The following EYS variants were observed in gnomAD, a reference collection of about 807,000 sequenced individuals.
EYS encodes the protein EGF-like photoreceptor maintenance factor.
EYS carries 250 observed loss-of-function variants against 282.1 expected under a neutral mutation model. The observed-to-expected ratio is 0.89, with a 90% CI of 0.80 to 0.98. The LOEUF is 0.98. EYS is among the 50% of genes least tolerant of loss of function. EYS has a pLI of 0.00. For missense variants in EYS, 4,016 were observed against 3,709.0 expected (o/e 1.08, Z -2.15); for synonymous variants, 1,355 against 1,282.9 (o/e 1.06, Z -1.20).
chr6:64,813,100 C>A (rs1223086595), intron 22 of EYS, among the ~76,000 whole-genome samples: 1 of 150,480 alleles, frequency 6.6e-6, no homozygotes, highest in Non-Finnish European at 1.5e-5. Flanking sequence ...AGAATAAAAA[C>A]CCACTTTGAG....
In EYS at chr6:64,889,719, T is replaced by C. The variant is rs150473307; in HGVS notation, c.2847-2877A>G. ...CCCTTGTGATTTCCTATGCCCGTCT[T>C]TACTTTAATCTTTTAATCCTGTCAG... On this transcript the variant is annotated intron_variant, in intron 18 of 42. Coordinates refer to ENST00000503581, the MANE Select transcript of EYS (RefSeq NM_001142800.2). Among the ~76,000 whole-genome samples, 16 of 152,174 alleles carry C rather than the reference T, an allele frequency of 1.1e-4. No individual in the cohort carries two copies. In the East Asian group the frequency reaches 3.1e-3, roughly 29 times the overall value.
chr6:64,371,943 C>T (rs1218834586), intron 29 of EYS, among the ~76,000 whole-genome samples: 1 of 152,024 alleles, frequency 6.6e-6, no homozygotes, highest in Admixed American at 6.6e-5. Context: ...GACAGAATAA[C>T]ATTGGGTTTT....
chr6:64,552,083 A>G (rs1765102628), intron 26 of EYS, among the ~76,000 whole-genome samples: 1 of 152,306 alleles, frequency 6.6e-6, no homozygotes, highest in African/African-American at 2.4e-5. Flanking sequence ...AGCCAAGTGC[A>G]TTCTAAAGTA....
intron 26 of EYS, among the ~76,000 whole-genome samples, chr6:64,496,696 T>G (rs1233277067): frequency 6.6e-6 from 1 of 152,002 alleles, no homozygotes; most frequent in Non-Finnish European, 1.5e-5. Context: ...TGTTACTGTT[T>G]TGAGATAAAT....
At chr6:64,298,767 C>A (rs1769128543) in intron 30 of EYS, among the ~76,000 whole-genome samples, 1 of 151,932 alleles carries the variant, frequency 6.6e-6, no homozygotes, top group Non-Finnish European at 1.5e-5. Context: ...CAACTATATC[C>A]TCTCTAACAA....
rs543800541 is a variant in EYS, at chr6:65,540,224, T to G, written c.-332-44231A>C. ...ATCATTCCAATGATACCAAGCACAT[T>G]GTATTCTAAGAAAATGGAACAAACT... On this transcript the variant is annotated intron_variant, in intron 2 of 42. Coordinates refer to ENST00000503581, the MANE Select transcript of EYS (RefSeq NM_001142800.2). Among the ~76,000 whole-genome samples the G allele has an allele frequency of 1.3e-4, 20 of 152,262 alleles. No individual in the cohort carries two copies. The South Asian group carries it at 4.1e-3, about 32-fold the overall frequency.
At chr6:65,374,303 C>T (rs1765271604) in intron 8 of EYS, among the ~76,000 whole-genome samples, 1 of 152,086 alleles carries the variant, frequency 6.6e-6, no homozygotes, top group African/African-American at 2.4e-5. Context: ...GGGTCAGGGA[C>T]CTCCCTACCC....
At chr6:64,664,292 G>A (rs1416950591) in intron 22 of EYS, among the ~76,000 whole-genome samples, 1 of 152,190 alleles carries the variant, frequency 6.6e-6, no homozygotes, top group Non-Finnish European at 1.5e-5. Flanking sequence ...TAGATGATGT[G>A]ACTATTTCTT....
chr6:64,584,967 C>T (rs931874842), intron 26 of EYS, among the ~76,000 whole-genome samples: 2 of 151,944 alleles, frequency 1.3e-5, no homozygotes, highest in Non-Finnish European at 2.9e-5. Context: ...CCAGCAATAT[C>T]GTTACTGGAT....
intron 12 of EYS, among the ~76,000 whole-genome samples, chr6:65,246,963 G>A (rs746509702): frequency 3.3e-5 from 5 of 152,046 alleles, no homozygotes; most frequent in African/African-American, 4.8e-5. Flanking sequence ...GAATAAAAAA[G>A]ATCTCTATTT....
At chr6:63,737,537 G>T (rs1023504900) in intron 41 of EYS, among the ~76,000 whole-genome samples, 4 of 152,176 alleles carry the variant, frequency 2.6e-5, no homozygotes, top group African/African-American at 7.2e-5. Flanking sequence ...AAGGATATTG[G>T]TCTAAAATTC....
intron 26 of EYS, among the ~76,000 whole-genome samples, chr6:64,557,643 A>T (rs1357765629): frequency 6.6e-6 from 1 of 152,062 alleles, no homozygotes; most frequent in Non-Finnish European, 1.5e-5. Flanking sequence ...ATATGGACAA[A>T]TATAAAAATG....
intron 28 of EYS, among the ~76,000 whole-genome samples, chr6:64,397,010 C>G (rs1449882701): frequency 6.6e-6 from 1 of 152,020 alleles, no homozygotes; most frequent in Non-Finnish European, 1.5e-5. Context: ...CTGCCTGATA[C>G]TGATACTGCC....
At position 65,399,816 on chromosome 6, in the gene EYS, C is replaced by G. The variant is rs187633527; in HGVS notation, c.1184+2662G>C. Among the ~76,000 whole-genome samples the G allele has an allele frequency of 4.1e-3, 623 of 152,072 alleles. 5 individuals are homozygous for G. Among genetic ancestry groups the G allele is most frequent in the African/African-American group, 0.014 (590 of 41,524 alleles). Reference sequence around the variant, plus strand: ...CTATAGGTAGTTCTTTCTTCATAAACAATTTGATCATTGTTCTGGCTCTCC... The same window carrying G: ...CTATAGGTAGTTCTTTCTTCATAAAGAATTTGATCATTGTTCTGGCTCTCC... On this transcript the variant is annotated intron_variant, in intron 7 of 42. Transcript: ENST00000503581.
At chr6:65,452,704 C>T (rs1467430341) in intron 5 of EYS, among the ~76,000 whole-genome samples, 2 of 152,000 alleles carry the variant, frequency 1.3e-5, no homozygotes, top group Non-Finnish European at 2.9e-5. Flanking sequence ...GTGCATTATT[C>T]CAGCCTGAGG....
intron 42 of EYS, among the ~76,000 whole-genome samples, chr6:63,722,218 C>A (rs1768426920): frequency 6.6e-6 from 1 of 152,102 alleles, no homozygotes; most frequent in Admixed American, 6.6e-5. Flanking sequence ...CCCATCCTTA[C>A]ACTCTCTTTA....
chr6:65,543,546 T>C (rs535573952), intron 2 of EYS, among the ~76,000 whole-genome samples: 1 of 151,014 alleles, frequency 6.6e-6, no homozygotes, highest in Admixed American at 6.6e-5. Context: ...ATTGATAAAA[T>C]GTTTATCTCT....
At chr6:64,266,953 T>A (rs2150355618) in intron 30 of EYS, among the ~76,000 whole-genome samples, 1 of 152,288 alleles carries the variant, frequency 6.6e-6, no homozygotes, top group Non-Finnish European at 1.5e-5. Flanking sequence ...AGAAAGCACT[T>A]GCTTATGGGC....
At position 65,587,910 on chromosome 6, in the gene EYS, A is replaced by G. The variant is rs529640258; in HGVS notation, c.-333+51868T>C. On this transcript the variant is annotated intron_variant, in intron 2 of 42. Coordinates refer to ENST00000503581, the MANE Select transcript of EYS (RefSeq NM_001142800.2). ...TGAAGTTCCAAGATTTGAAATTACT[A>G]CGCTTTTATTATCAAAGTTAAAGAT... Among the ~76,000 whole-genome samples, 686 of 152,200 alleles carry G rather than the reference A, an allele frequency of 4.5e-3. 1 individual carries two copies. The highest frequency in any genetic ancestry group is 0.017 in the Middle Eastern group (5 of 294).
Sources: gnomAD v4.1 joint callset for allele counts (sites outside exome capture counted in the v4.1 genomes callset) on GRCh38, gnomAD v4.1.1 for gene constraint, MANE v1.5 for transcripts, NCBI Gene and HGNC (gene_info 2026-07-23, HGNC 2026-07-21) for gene names.